CLIC2: variants seen among roughly 807,000 people sequenced by gnomAD.
CLIC2 encodes the protein CLIC family member 2, also known as chloride intracellular channel protein 2.
A neutral mutation model predicts 14.8 loss-of-function variants in CLIC2; 9 were observed. The observed-to-expected ratio is 0.61, with a 90% CI of 0.37 to 1.06. The LOEUF is 1.06. CLIC2 is among the 50% of genes least tolerant of loss of function. CLIC2 has a pLI of 0.01. For missense variants in CLIC2, 148 were observed against 181.4 expected (o/e 0.82, Z 1.06); for synonymous variants, 61 against 66.3 (o/e 0.92, Z 0.39).
chrX:155,326,919 G>C (rs1411956532), intron 1 of CLIC2, among the ~76,000 whole-genome samples: 2 of 111,688 alleles, frequency 1.8e-5, no homozygotes, highest in African/African-American at 3.3e-5. Context: ...ATTAATGGTT[G>C]AGGGACTGGA....
chrX:155,332,257 A>AAT (rs1557322895), intron 1 of CLIC2, among the ~76,000 whole-genome samples: 1 of 111,797 alleles, frequency 8.9e-6, no homozygotes, highest in African/African-American at 3.2e-5. Context: ...CTCTTGTAGT[A>AAT]ATGCCTTTTA....
intron 3 of CLIC2, among the ~76,000 whole-genome samples, chrX:155,288,699 G>T (rs782218226): frequency 9.0e-6 from 1 of 111,550 alleles, no homozygotes; most frequent in South Asian, 3.7e-4. Context: ...AAATACTATA[G>T]TCTGATTATT....
In CLIC2 at chrX:155,276,586, T is replaced by A. The variant is rs1409636993; in HGVS notation, c.*1317A>T. On this transcript the variant is annotated 3_prime_UTR_variant, in exon 6 of 6. Coordinates refer to ENST00000369449, the MANE Select transcript of CLIC2 (RefSeq NM_001289.6). ...CTCTACTTGTGTGAGATCAACTTTT[T>A]AAAATTCCACATATGAGTGAGATCA... is the stretch of plus-strand genomic sequence containing the variant. 9.0e-6 allele frequency: 1 copy of A among 111,724 alleles called. No individual in the cohort carries two copies. The highest frequency in any genetic ancestry group is 1.9e-5 in the Non-Finnish European group (1 of 53,052). The allele number at this position is 111,724 out of a possible 1,213,427, so 9.2% of individuals were successfully genotyped here. A position where few individuals can be genotyped will look rare whatever the true frequency, so the allele number is the denominator to read the frequency against.
chrX:155,329,244 A>G (rs2075148525), intron 1 of CLIC2, among the ~76,000 whole-genome samples: 2 of 109,454 alleles, frequency 1.8e-5, no homozygotes, highest in Admixed American at 1.9e-4. Flanking sequence ...AGGAGCTCAA[A>G]TAACTCTATA....
At chrX:155,320,875 T>C (rs947803953) in intron 1 of CLIC2, among the ~76,000 whole-genome samples, 1 of 111,439 alleles carries the variant, frequency 9.0e-6, no homozygotes, top group Non-Finnish European at 1.9e-5. Context: ...ATAAGTGACC[T>C]AATGGAGCAG....
intron 3 of CLIC2, chrX:155,292,108 C>A: frequency 1.8e-6 from 1 of 567,040 alleles, no homozygotes. Context: ...GCTTTAGTTA[C>A]TATCCAGCAT....
At chrX:155,329,019 G>A (rs2075147854) in intron 1 of CLIC2, among the ~76,000 whole-genome samples, 1 of 110,918 alleles carries the variant, frequency 9.0e-6, no homozygotes, top group Non-Finnish European at 1.9e-5. Context: ...GAAAACATTA[G>A]GGAAACTCTC....
chrX:155,288,920 G>A (rs1308834180), intron 3 of CLIC2, among the ~76,000 whole-genome samples: 1 of 110,787 alleles, frequency 9.0e-6, no homozygotes, highest in Non-Finnish European at 1.9e-5. Context: ...CAAGGCGGGC[G>A]GGTCACCTGA....
chrX:155,325,644 C>T (rs2075133502), intron 1 of CLIC2, among the ~76,000 whole-genome samples: 1 of 105,600 alleles, frequency 9.5e-6, no homozygotes. Context: ...AGCCCAAAAC[C>T]TAGATGACGG....
At chrX:155,324,365 T>A (rs782016994) in intron 1 of CLIC2, among the ~76,000 whole-genome samples, 1 of 111,460 alleles carries the variant, frequency 9.0e-6, no homozygotes, top group Admixed American at 9.5e-5. Context: ...CTTCAAACTA[T>A]ACTACAAGGC....
intron 1 of CLIC2, among the ~76,000 whole-genome samples, chrX:155,308,502 G>A (rs1478290717): frequency 2.7e-5 from 3 of 111,715 alleles, no homozygotes; most frequent in Non-Finnish European, 5.6e-5. Context: ...TTATTCAAGG[G>A]ATATCAACAG....
intron 1 of CLIC2, among the ~76,000 whole-genome samples, chrX:155,324,248 C>A (rs1467213408): frequency 8.9e-6 from 1 of 111,988 alleles, no homozygotes; most frequent in Non-Finnish European, 1.9e-5. Context: ...CTTTAAATTT[C>A]ATATGGAACC....
Position 155,314,003 on chromosome X carries a change from C to T in CLIC2, c.58-14858G>A, listed in dbSNP as rs782751906. On this transcript the variant is annotated intron_variant, in intron 1 of 5. Transcript: ENST00000369449. ...CATAACTCCATTGGCCTGGGAACCA[C>T]ACCCCCATCCCCTACAGCAGCCACA... is the stretch of plus-strand genomic sequence containing the variant. 5.4e-5 allele frequency among the ~76,000 whole-genome samples: 6 copies of T among 111,263 alleles called. No individual in the cohort carries two copies. The East Asian group carries it at 1.7e-3, about 32-fold the overall frequency.
intron 1 of CLIC2, among the ~76,000 whole-genome samples, chrX:155,321,476 C>T (rs1052194944): frequency 5.4e-5 from 6 of 111,518 alleles, no homozygotes; most frequent in Non-Finnish European, 7.5e-5. Flanking sequence ...GCTTCATAAG[C>T]GAAGGAAAAA....
chrX:155,279,030 G>C, intron 5 of CLIC2, 119 bp downstream of exon 5: 1 of 564,001 alleles, frequency 1.8e-6, no homozygotes. Flanking sequence ...TAGTACACAT[G>C]ATGATGATGA....
intron 1 of CLIC2, among the ~76,000 whole-genome samples, chrX:155,300,611 G>C: frequency 9.1e-6 from 1 of 110,207 alleles, no homozygotes; most frequent in Non-Finnish European, 1.9e-5. Flanking sequence ...TTTGTCTTTT[G>C]TTGCCATTGC....
intron 3 of CLIC2, among the ~76,000 whole-genome samples, chrX:155,298,334 G>A (rs781962942): frequency 1.8e-5 from 2 of 112,229 alleles, no homozygotes; most frequent in African/African-American, 3.2e-5. Flanking sequence ...AGAGATGTGC[G>A]GTTGTCATTC....
chrX:155,305,330 C>T (rs986453452), intron 1 of CLIC2, among the ~76,000 whole-genome samples: 8 of 112,107 alleles, frequency 7.1e-5, no homozygotes, highest in Non-Finnish European at 1.3e-4. Flanking sequence ...GGGAGTGATC[C>T]GATTTTCCAG....
At chrX:155,293,817 A>C (rs1343415501) in intron 3 of CLIC2, among the ~76,000 whole-genome samples, 1 of 111,672 alleles carries the variant, frequency 9.0e-6, no homozygotes, top group African/African-American at 3.3e-5. Context: ...AAGGACTAAA[A>C]CTATCATTAT....
Sources: gnomAD v4.1 joint callset for allele counts (sites outside exome capture counted in the v4.1 genomes callset) on GRCh38, gnomAD v4.1.1 for gene constraint, MANE v1.5 for transcripts, NCBI Gene and HGNC (gene_info 2026-07-23, HGNC 2026-07-21) for gene names.